PPP5C: variants seen among roughly 807,000 people sequenced by gnomAD.
PPP5C encodes the protein protein phosphatase 5 catalytic subunit.
PPP5C carries 21 observed loss-of-function variants against 66.7 expected under a neutral mutation model. The observed-to-expected ratio is 0.31, with a 90% CI of 0.22 to 0.45. The LOEUF (loss-of-function observed/expected upper bound fraction) is 0.45. Among genes scored for constraint, PPP5C ranks in the 20% least tolerant of loss-of-function variants. PPP5C has a pLI of 1.00. For missense variants in PPP5C, 464 were observed against 675.9 expected (o/e 0.69, Z 3.48); for synonymous variants, 246 against 257.4 (o/e 0.96, Z 0.43).
intron 1 of PPP5C, among the ~76,000 whole-genome samples, chr19:46,352,546 C>T (rs1410446241): frequency 1.3e-5 from 2 of 151,918 alleles, no homozygotes; most frequent in Non-Finnish European, 2.9e-5. Context: ...CTCGGCCAGG[C>T]GCTGTGGCTC....
intron 1 of PPP5C, among the ~76,000 whole-genome samples, 195 bp from the exon 2 acceptor site, chr19:46,353,553 A>G (rs1972229001): frequency 1.3e-5 from 2 of 152,014 alleles, no homozygotes; most frequent in South Asian, 2.1e-4. Context: ...AGTCCTGGAG[A>G]CTGTGGCCGA....
At chr19:46,355,793 G>A (rs1972275349) in intron 2 of PPP5C, among the ~76,000 whole-genome samples, 1 of 152,126 alleles carries the variant, frequency 6.6e-6, no homozygotes, top group African/African-American at 2.4e-5. Flanking sequence ...AAGGACAGTC[G>A]GTGTTGGGTT....
In PPP5C at chr19:46,347,114, C is replaced by T; in HGVS notation, c.18C>T (p.Gly6=). The change falls in exon 1 of 13, where the codon GGC becomes GGT. Residue 6 remains glycine (G), a synonymous_variant. Transcript: ENST00000012443. ...TTTGCGGCATGGCGATGGCGGAGGG[C>T]GAGAGGACTGAGTGTGCTGAGCCCC... MAMAE[G]ERTECAEPPR... The T allele has an allele frequency of 1.2e-6, 2 of 1,603,436 alleles. No individual in the cohort carries two copies. Among genetic ancestry groups the T allele is most frequent in the South Asian group, 1.1e-5 (1 of 89,508 alleles).
At chr19:46,368,665 C>T (rs951421304) in intron 2 of PPP5C, among the ~76,000 whole-genome samples, 11 of 152,106 alleles carry the variant, frequency 7.2e-5, no homozygotes, top group Admixed American at 7.2e-4. Context: ...ACCCGTCACC[C>T]GAGTACTGTA....
Position 46,347,120 on chromosome 19 carries a change from G to T in PPP5C, c.24G>T (p.Arg8Ser). 1.2e-6 allele frequency: 2 copies of T among 1,604,830 alleles called. No homozygotes were observed. The highest frequency in any genetic ancestry group is 1.7e-6 in the Non-Finnish European group (2 of 1,176,020). The change falls in exon 1 of 13, where the codon AGG becomes AGT. Residue 8 changes from arginine (R) to serine (S), a missense_variant. Arg to Ser is a moderately radical substitution (Grantham distance 110). Coordinates refer to ENST00000012443, the MANE Select transcript of PPP5C (RefSeq NM_006247.4). MAMAEGE[R>S]TECAEPPRDE... ...GCATGGCGATGGCGGAGGGCGAGAG[G>T]ACTGAGTGTGCTGAGCCCCCCCGGG...
Position 46,390,413 on chromosome 19 carries a change from G to C in PPP5C, c.*67G>C, listed in dbSNP as rs1419074976. 1 of 1,548,208 alleles carries C rather than the reference G, an allele frequency of 6.5e-7. No individual in the cohort carries two copies. Among genetic ancestry groups the C allele is most frequent in the East Asian group, 2.4e-5 (1 of 40,864 alleles). ...CCCACCGGACCCAGGCCCTGGGCTA[G>C]GGGCAGAGCAGGCCCCGCCCCAGGG... On this transcript the variant is annotated 3_prime_UTR_variant, in exon 13 of 13. Coordinates refer to ENST00000012443, the MANE Select transcript of PPP5C (RefSeq NM_006247.4).
In PPP5C at chr19:46,377,771, C is replaced by G. The variant is rs539616839; in HGVS notation, c.633+1197C>G. 1.2e-3 allele frequency among the ~76,000 whole-genome samples: 185 copies of G among 152,302 alleles called. 1 individual carries two copies. Among genetic ancestry groups the G allele is most frequent in the African/African-American group, 4.2e-3 (174 of 41,554 alleles). ...TATGGGCTTACAGCGTTTAGTGTCT[C>G]TTCTTTCATGTGGCACAATGTGTGT... On this transcript the variant is annotated intron_variant, in intron 4 of 12. Coordinates refer to ENST00000012443, the MANE Select transcript of PPP5C (RefSeq NM_006247.4).
chr19:46,387,383 G>A lies in PPP5C; in HGVS notation c.1065G>A (p.Leu355=). ...CTCCCCAGATCATGCACGGAGGCCT[G>A]TTCAGTGAAGACGGTGTCACCCTGG... ...NGKVLIMHGG[L]FSEDGVTLDD... is the part of the protein sequence containing the mutation. The change falls in exon 9 of 13, where the codon CTG becomes CTA. Residue 355 remains leucine (L), a synonymous_variant. Transcript: ENST00000012443. The A allele has an allele frequency of 6.2e-7, 1 of 1,610,732 alleles. No individual in the cohort carries two copies. Among genetic ancestry groups the A allele is most frequent in the South Asian group, 1.1e-5 (1 of 90,948 alleles).
At chr19:46,366,577 C>A (rs1255515530) in intron 2 of PPP5C, among the ~76,000 whole-genome samples, 1 of 152,134 alleles carries the variant, frequency 6.6e-6, no homozygotes, top group Non-Finnish European at 1.5e-5. Flanking sequence ...AACTCCTGGA[C>A]TTCTGCCTCA....
At chr19:46,386,753 T>C (rs373885307) in intron 7 of PPP5C, 1 of 332,340 alleles carries the variant, frequency 3.0e-6, no homozygotes, top group South Asian at 3.2e-5. Flanking sequence ...GCTGGCACTA[T>C]AGGCACGCAC....
chr19:46,353,298 A>G (rs1049310402), intron 1 of PPP5C, among the ~76,000 whole-genome samples: 5 of 152,102 alleles, frequency 3.3e-5, no homozygotes, highest in Non-Finnish European at 5.9e-5. Context: ...CCACACTTAG[A>G]ACATCAGTGT....
intron 2 of PPP5C, among the ~76,000 whole-genome samples, chr19:46,370,423 C>T (rs1260627365): frequency 1.3e-5 from 2 of 152,204 alleles, no homozygotes; most frequent in Non-Finnish European, 2.9e-5. Context: ...CACCGTGTCC[C>T]ACTGGAAGGT....
chr19:46,351,555 G>A (rs79421452), intron 1 of PPP5C, among the ~76,000 whole-genome samples: 5,697 of 152,314 alleles, frequency 0.037, 136 homozygotes, highest in Non-Finnish European at 0.053. Flanking sequence ...CTGCAGAGCC[G>A]GGTGGCAGGC....
In PPP5C at chr19:46,390,873, G is replaced by A; in HGVS notation, c.*527G>A. 1.7e-6 allele frequency: 2 copies of A among 1,144,094 alleles called. No homozygotes were observed. The highest frequency in any genetic ancestry group is 1.8e-5 in the South Asian group (1 of 54,064). 70.9% of individuals were successfully genotyped at this position (1,144,094 alleles called of 1,614,324 possible). A position where few individuals can be genotyped will look rare whatever the true frequency, so the allele number is the denominator to read the frequency against. ...AGTCAGCTTGTCTCTGGATGGTGGA[G>A]CCGAAGGAGCTGCCCGGGTTGGGTT... On this transcript the variant is annotated 3_prime_UTR_variant, in exon 13 of 13. Coordinates refer to ENST00000012443, the MANE Select transcript of PPP5C (RefSeq NM_006247.4).
intron 2 of PPP5C, among the ~76,000 whole-genome samples, chr19:46,367,070 A>C (rs1445178271): frequency 6.6e-6 from 1 of 152,184 alleles, no homozygotes; most frequent in Non-Finnish European, 1.5e-5. Context: ...TAGGTGCGGG[A>C]CTAGTGGGCT....
At chr19:46,385,821 G>A (rs73563011) in intron 7 of PPP5C, among the ~76,000 whole-genome samples, 2,630 of 151,314 alleles carry the variant, frequency 0.017, 92 homozygotes, top group African/African-American at 0.061. Flanking sequence ...CCGTGCACCC[G>A]TAGTCCCAGC....
chr19:46,378,235 C>CT (rs1324246929), intron 4 of PPP5C, among the ~76,000 whole-genome samples: 1 of 152,112 alleles, frequency 6.6e-6, no homozygotes, highest in Admixed American at 6.6e-5. Context: ...TTCTAATTTT[C>CT]TTTATGGTTT....
intron 2 of PPP5C, 45 bp from the exon 3 acceptor site, chr19:46,375,558 GC>G (rs1233744335): frequency 3.7e-6 from 6 of 1,606,886 alleles, no homozygotes; most frequent in Non-Finnish European, 5.1e-6. Context: ...CAACCGCTGT[GC>G]CCCCACCTCA....
intron 6 of PPP5C, chr19:46,384,430 A>G (rs935996719): frequency 1.0e-5 from 3 of 287,920 alleles, no homozygotes; most frequent in Admixed American, 9.0e-5. Context: ...CACTAGGCCT[A>G]TGCATTGTTG....
Sources: allele counts gnomAD v4.1 joint callset (sites outside exome capture counted in the v4.1 genomes callset), GRCh38; gene constraint gnomAD v4.1.1; transcripts MANE v1.5; gene names NCBI Gene and HGNC (gene_info 2026-07-23, HGNC 2026-07-21).